The following MYO18B variants were observed in gnomAD, a reference collection of about 807,000 sequenced individuals.
The protein encoded by MYO18B is myosin XVIIIB, also known as unconventional myosin-XVIIIb.
In MYO18B, 204 loss-of-function variants were observed where a neutral mutation model predicts 273.0. The ratio of observed to expected loss-of-function variants is 0.75; its 90% CI spans 0.67 to 0.84. MYO18B has a LOEUF of 0.84. Among genes scored for constraint, MYO18B ranks in the 40% least tolerant of loss-of-function variants. The pLI is 0.00. For missense variants in MYO18B, 3,212 were observed against 3,287.6 expected, an observed-to-expected ratio of 0.98 and a Z score of 0.56; for synonymous variants, 1,330 against 1,305.7, an observed-to-expected ratio of 1.02 and a Z score of -0.40.
chr22:25,914,171 G>T (rs1323450238), intron 33 of MYO18B, among the ~76,000 whole-genome samples: 1 of 151,674 alleles, frequency 6.6e-6, no homozygotes, highest in Non-Finnish European at 1.5e-5. Context: ...TCCACCATAT[G>T]GTCTTCATGG....
At position 25,908,406 on chromosome 22, in the gene MYO18B, G is replaced by T; in HGVS notation, c.5233G>T (p.Asp1745Tyr). The change falls in exon 32 of 44, where the codon GAT (aspartate) becomes TAT (tyrosine). Residue 1745 changes from aspartate (D) to tyrosine (Y), a missense_variant. Transcript: ENST00000335473. ...TGAGGACCAGGAGGAGGAACTGGAG[G>T]ATGTCCGTCAGTCCTGCCAGAAGCG... ...DREDQEEELE[D>Y]VRQSCQKRLH... 6.3e-7 allele frequency: 1 copy of T among 1,598,116 alleles called. No individual in the cohort carries two copies.
chr22:25,992,351 T>A lies in MYO18B; in HGVS notation c.6157-12T>A. On this transcript the variant is annotated splice_polypyrimidine_tract_variant and intron_variant, in intron 39 of 43. Transcript: ENST00000335473. ...CCCAAGGCCAACGTGTGTTTGCATC[T>A]TCTGTCCCCAGGAGAAGTACGTGGA... 1.9e-6 allele frequency: 3 copies of A among 1,613,426 alleles called. No homozygotes were observed. The highest frequency in any genetic ancestry group is 2.5e-6 in the Non-Finnish European group (3 of 1,179,420).
the MYO18B span, among the ~76,000 whole-genome samples, chr22:26,063,149 C>A: frequency 6.6e-6 from 1 of 152,238 alleles, no homozygotes; most frequent in Middle Eastern, 3.4e-3. Context: ...TTACTTGGTG[C>A]AACTAGAAAA....
At position 25,955,487 on chromosome 22, in the gene MYO18B, G is replaced by A. The variant is rs116953520; in HGVS notation, c.6156+123G>A. On this transcript the variant is annotated intron_variant, in intron 39 of 43. Transcript: ENST00000335473. The stretch of plus-strand genomic sequence containing the variant: ...TGGGTCCTGGGCCTCAGGGGTGTGC[G>A]GAAAGCCAGGAGAAACAAGAAGGGG... 5.1e-3 allele frequency: 5,091 copies of A among 1,002,098 alleles called. 22 individuals are homozygous for A. The highest frequency in any genetic ancestry group is 6.1e-3 in the Non-Finnish European group (4,413 of 724,926). The allele number at this position is 1,002,098 out of a possible 1,614,324, so 62.1% of individuals were successfully genotyped here.
chr22:25,837,051 T>C (rs2089926443), intron 17 of MYO18B, among the ~76,000 whole-genome samples: 1 of 151,926 alleles, frequency 6.6e-6, no homozygotes, highest in Non-Finnish European at 1.5e-5. Context: ...CCAACCCTCT[T>C]TGAGGCCAGG....
rs1341234671 is a variant in MYO18B at position 25,955,198 on chromosome 22, G to A, written c.5990G>A (p.Arg1997Gln). 31 of 1,610,558 alleles carry A rather than the reference G, an allele frequency of 1.9e-5. No homozygotes were observed. The highest frequency in any genetic ancestry group is 2.3e-5 in the Non-Finnish European group (27 of 1,178,288). The change falls in exon 39 of 44, where the codon CGG becomes CAG. Residue 1997 changes from arginine to glutamine, a missense_variant. Coordinates refer to ENST00000335473, the MANE Select transcript of MYO18B (RefSeq NM_032608.7). The stretch of plus-strand genomic sequence containing the variant: ...TCCCAGGTCCTGGTGATCCGGCTTC[G>A]GGACAGCCTGATCAAGATGGGGGAG... ...KRFEVLVIRL[R>Q]DSLIKMGEEL...
intron 39 of MYO18B, chr22:25,964,790 A>T (rs2146701427): frequency 6.6e-6 from 1 of 152,328 alleles, no homozygotes; most frequent in Non-Finnish European, 1.5e-5. Flanking sequence ...CCCATTTTAC[A>T]GGTGGTTAAA....
intron 34 of MYO18B, among the ~76,000 whole-genome samples, chr22:25,943,847 G>T (rs1204191755): frequency 6.6e-6 from 1 of 150,820 alleles, no homozygotes; most frequent in African/African-American, 2.4e-5. Flanking sequence ...AGCCTCCCAA[G>T]TAGCTGGGAT....
At chr22:26,024,577 G>A (rs186439183) in intron 42 of MYO18B, among the ~76,000 whole-genome samples, 6 of 152,134 alleles carry the variant, frequency 3.9e-5, no homozygotes, top group Admixed American at 1.3e-4. Flanking sequence ...TCACCAGACC[G>A]CTGCTGTAAC....
At chr22:25,850,377 G>GTT (rs1292909800) in intron 20 of MYO18B, among the ~76,000 whole-genome samples, 1 of 152,070 alleles carries the variant, frequency 6.6e-6, no homozygotes, top group East Asian at 1.9e-4. Flanking sequence ...CGCTGCCTGG[G>GTT]TTTGAGTCCC....
intron 18 of MYO18B, 126 bp from the exon 19 acceptor site, chr22:25,845,974 G>A (rs2090229041): frequency 1.2e-6 from 1 of 804,914 alleles, no homozygotes; most frequent in East Asian, 3.0e-5. Flanking sequence ...ACACATGACT[G>A]TAGAGGAGGC....
chr22:25,875,509 C>CG lies in MYO18B; in HGVS notation c.4081-680_4081-679insG, dbSNP rs978103521. 4.6e-3 allele frequency among the ~76,000 whole-genome samples: 707 copies of CG among 152,070 alleles called. 7 individuals carry two copies. Among genetic ancestry groups the CG allele is most frequent in the African/African-American group, 0.016 (650 of 41,476 alleles). ...TGCCAGTCAGTGCTGTTCTGGTCCC[C>CG]CCCCCAGTGATAAGAATGAAGCGGG... On this transcript the variant is annotated intron_variant, in intron 23 of 43. Transcript: ENST00000335473.
At chr22:26,054,205 A>C in the MYO18B span, among the ~76,000 whole-genome samples, 3 of 152,220 alleles carry the variant, frequency 2.0e-5, no homozygotes, top group African/African-American at 7.2e-5. Context: ...CTGCAGCCCC[A>C]GGACAGAGTT....
At chr22:25,809,810 G>A (rs2088654826) in intron 12 of MYO18B, among the ~76,000 whole-genome samples, 1 of 152,150 alleles carries the variant, frequency 6.6e-6, no homozygotes, top group African/African-American at 2.4e-5. Flanking sequence ...TGCTCTTCAA[G>A]CTGTGGTAAG....
intron 32 of MYO18B, 45 bp downstream of exon 32, chr22:25,908,477 T>C (rs1328744718): frequency 1.3e-6 from 2 of 1,491,958 alleles, no homozygotes; most frequent in East Asian, 4.9e-5. Context: ...TCCTGGCAGG[T>C]CTGGCATGGA....
At chr22:25,880,125 G>A (rs192817262) in intron 25 of MYO18B, among the ~76,000 whole-genome samples, 414 of 152,276 alleles carry the variant, frequency 2.7e-3, no homozygotes, top group Non-Finnish European at 4.1e-3. Context: ...GCTTTTCGAC[G>A]AAAACCTGCT....
chr22:25,867,424 T>C (rs765503378), intron 21 of MYO18B, among the ~76,000 whole-genome samples: 1 of 152,220 alleles, frequency 6.6e-6, no homozygotes, highest in Non-Finnish European at 1.5e-5. Context: ...ATAATGTCCT[T>C]GAGGTTCATC....
At chr22:25,970,668 C>T (rs1569249878) in intron 39 of MYO18B, among the ~76,000 whole-genome samples, 1 of 152,206 alleles carries the variant, frequency 6.6e-6, no homozygotes, top group Non-Finnish European at 1.5e-5. Context: ...TGTCCTTGTT[C>T]AGGCAATTTG....
intron 42 of MYO18B, among the ~76,000 whole-genome samples, chr22:26,007,379 T>C (rs1333347561): frequency 6.6e-6 from 1 of 152,198 alleles, no homozygotes; most frequent in Non-Finnish European, 1.5e-5. Flanking sequence ...AGAGCCAGAA[T>C]TTGAACCTAG....
Sources: allele counts gnomAD v4.1 joint callset (sites outside exome capture counted in the v4.1 genomes callset), GRCh38; gene constraint gnomAD v4.1.1; transcripts MANE v1.5; gene names NCBI Gene and HGNC (gene_info 2026-07-23, HGNC 2026-07-21).